Variants in CDRT4 observed in about 807,000 individuals in gnomAD.
The protein encoded by CDRT4 is CMT1A duplicated region transcript 4 protein.
For missense variants in CDRT4, 167 were observed against 193.1 expected (o/e 0.87, Z 0.80); for synonymous variants, 64 against 69.6 (o/e 0.92, Z 0.40).
chr17:15,437,520 C>A lies in CDRT4; in HGVS notation c.*253G>T, dbSNP rs1458535934. On this transcript the variant is annotated 3_prime_UTR_variant, in exon 4 of 4. Coordinates refer to ENST00000619038, the MANE Select transcript of CDRT4 (RefSeq NM_001204477.2). ...TCACCCACATTTTGGTCCTGAGAAT[C>A]TGCAGCAGAGACTAGAGCCAGGGAC... 5.6e-6 allele frequency: 3 copies of A among 537,144 alleles called. No individual in the cohort carries two copies. The highest frequency in any genetic ancestry group is 9.9e-6 in the Non-Finnish European group (3 of 303,444). The allele number at this position is 537,144 out of a possible 1,614,324, so 33.3% of individuals were successfully genotyped here. A position where few individuals can be genotyped will look rare whatever the true frequency, so the allele number is the denominator to read the frequency against.
In CDRT4 at chr17:15,436,986, G is replaced by C. The variant is rs1978520946; in HGVS notation, c.*787C>G. ...CTTGCTCACTTCCTGTTTGCTTCCT[G>C]TTCACTTTCTATCAGCTTCCTGTCC... On this transcript the variant is annotated 3_prime_UTR_variant, in exon 4 of 4. Transcript: ENST00000619038. 6.7e-6 allele frequency: 1 copy of C among 149,220 alleles called. No homozygotes were observed. Among genetic ancestry groups the C allele is most frequent in the Non-Finnish European group, 1.5e-5 (1 of 67,920 alleles). 9.2% of individuals were successfully genotyped at this position (149,220 alleles called of 1,614,324 possible). A position where few individuals can be genotyped will look rare whatever the true frequency, so the allele number is the denominator to read the frequency against.
chr17:15,462,364 C>G (rs2150799987), intron 1 of CDRT4, among the ~76,000 whole-genome samples: 1 of 137,606 alleles, frequency 7.3e-6, no homozygotes, highest in East Asian at 2.3e-4. Flanking sequence ...GGAGGCAGAG[C>G]TTGCAGTGAG....
intron 2 of CDRT4, 135 bp from the exon 3 acceptor site, chr17:15,440,420 G>A: frequency 9.7e-7 from 1 of 1,031,088 alleles, no homozygotes; most frequent in Non-Finnish European, 1.4e-6. Flanking sequence ...CTGAGAAGAG[G>A]ACATGTTTTT....
chr17:15,461,506 C>T (rs1369149431), intron 1 of CDRT4, among the ~76,000 whole-genome samples: 1 of 152,210 alleles, frequency 6.6e-6, no homozygotes, highest in Non-Finnish European at 1.5e-5. Context: ...CAGTGGTCTG[C>T]TTCCTTAGTA....
intron 2 of CDRT4, among the ~76,000 whole-genome samples, chr17:15,447,982 T>C (rs1437820640): frequency 2.0e-5 from 3 of 152,238 alleles, no homozygotes; most frequent in Non-Finnish European, 2.9e-5. Flanking sequence ...ACCCTCTCTC[T>C]GCCTGACAGC....
rs1978487072 is a variant in CDRT4 at position 15,436,385 on chromosome 17, C to A, written c.*1388G>T. 6.6e-6 allele frequency: 1 copy of A among 152,216 alleles called. No homozygotes were observed. Among genetic ancestry groups the A allele is most frequent in the South Asian group, 2.1e-4 (1 of 4,832 alleles). The allele number at this position is 152,216 out of a possible 1,614,324, so 9.4% of individuals were successfully genotyped here. A position where few individuals can be genotyped will look rare whatever the true frequency, so the allele number is the denominator to read the frequency against. On this transcript the variant is annotated 3_prime_UTR_variant, in exon 4 of 4. Coordinates refer to ENST00000619038, the MANE Select transcript of CDRT4 (RefSeq NM_001204477.2). Reference sequence around the variant, plus strand: ...TGATGGATTAGTATTAACTGTCTTGCAAATACACATACAGAAACTCAGGTA... The same window carrying A: ...TGATGGATTAGTATTAACTGTCTTGAAAATACACATACAGAAACTCAGGTA...
rs2150801864 is a variant in CDRT4 at position 15,464,999 on chromosome 17, TAC to T, written c.-130+2459_-130+2460del. On this transcript the variant is annotated intron_variant, in intron 1 of 3. Coordinates refer to ENST00000619038, the MANE Select transcript of CDRT4 (RefSeq NM_001204477.2). The surrounding 1 kb of genome is among the most constrained non-coding windows in gnomAD (Gnocchi z 4.5). ...CACACCAACACACAGACACACGCAA[TAC>T]AGACACACACAACACAGACACACAC... is the stretch of plus-strand genomic sequence containing the variant. 9.8e-6 allele frequency among the ~76,000 whole-genome samples: 1 copy of T among 101,810 alleles called. No homozygotes were observed. Among genetic ancestry groups the T allele is most frequent in the South Asian group, 3.4e-4 (1 of 2,962 alleles). 66.8% of individuals were successfully genotyped at this position (101,810 alleles called of 152,430 possible).
At chr17:15,442,624 G>C (rs761710528) in intron 2 of CDRT4, among the ~76,000 whole-genome samples, 3 of 152,160 alleles carry the variant, frequency 2.0e-5, no homozygotes, top group Non-Finnish European at 4.4e-5. Flanking sequence ...GTGTGCATCT[G>C]TGTGACCCAC....
chr17:15,452,559 A>C (rs1674011767), intron 2 of CDRT4: 2 of 152,256 alleles, frequency 1.3e-5, no homozygotes, highest in Non-Finnish European at 2.9e-5. Flanking sequence ...ATCACCGCCA[A>C]ATATGGCTCC....
Position 15,457,722 on chromosome 17 carries a change from A to G in CDRT4, c.-129-4637T>C, listed in dbSNP as rs374831184. Reference sequence around the variant, plus strand: ...GGGTCTGAGCTCAGCAGCTTCTCAAAAAAGCCCCCCTGAGCTGCTTTGCTT... The same window carrying G: ...GGGTCTGAGCTCAGCAGCTTCTCAAGAAAGCCCCCCTGAGCTGCTTTGCTT... On this transcript the variant is annotated intron_variant, in intron 1 of 3. Transcript: ENST00000619038. 1.6e-4 allele frequency among the ~76,000 whole-genome samples: 25 copies of G among 152,306 alleles called. 1 individual carries two copies. In the East Asian group the frequency reaches 3.7e-3, roughly 22 times the overall value.
At chr17:15,466,410 T>TAG (rs1980045129) in intron 1 of CDRT4, among the ~76,000 whole-genome samples, 1 of 151,802 alleles carries the variant, frequency 6.6e-6, no homozygotes, top group South Asian at 2.1e-4. Context: ...ACGAGTCTCT[T>TAG]CTGTTCTCTT....
chr17:15,458,656 T>C (rs1045656341), intron 1 of CDRT4, among the ~76,000 whole-genome samples: 1 of 152,132 alleles, frequency 6.6e-6, no homozygotes, highest in African/African-American at 2.4e-5. Context: ...TGTTCACCCA[T>C]TCCTGAACCC....
chr17:15,454,095 T>C (rs536496792), intron 1 of CDRT4, among the ~76,000 whole-genome samples: 32 of 152,270 alleles, frequency 2.1e-4, no homozygotes, highest in Admixed American at 4.6e-4. Context: ...AGTCACTACG[T>C]TGAAGATCAG....
chr17:15,439,398 G>A lies in CDRT4; in HGVS notation c.31+810C>T, dbSNP rs7216189. ...GGGGACAGATCTGTCAGTAAAGAATGTGCTGTAGAAGGATTCCATCTCCCT... is the reference window on the plus strand; with the variant it reads ...GGGGACAGATCTGTCAGTAAAGAATATGCTGTAGAAGGATTCCATCTCCCT... On this transcript the variant is annotated intron_variant, in intron 3 of 3. Transcript: ENST00000619038. Among the ~76,000 whole-genome samples the A allele has an allele frequency of 7.0e-3, 1,061 of 152,312 alleles. 11 individuals are homozygous for A. The highest frequency in any genetic ancestry group is 0.024 in the African/African-American group (1,005 of 41,574).
intron 2 of CDRT4, among the ~76,000 whole-genome samples, chr17:15,448,095 G>C (rs1979105740): frequency 6.6e-6 from 1 of 152,158 alleles, no homozygotes; most frequent in South Asian, 2.1e-4. Flanking sequence ...TGTGAACCTG[G>C]AGAACACTTC....
chr17:15,465,746 G>A (rs1308038656), intron 1 of CDRT4, among the ~76,000 whole-genome samples: 5 of 152,190 alleles, frequency 3.3e-5, no homozygotes, highest in African/African-American at 1.2e-4. Flanking sequence ...GCACAGACAC[G>A]CATGCTAACG....
chr17:15,462,694 G>A (rs1979811988), intron 1 of CDRT4, among the ~76,000 whole-genome samples: 2 of 152,154 alleles, frequency 1.3e-5, no homozygotes, highest in Admixed American at 1.3e-4. Context: ...GAGTAAACAT[G>A]AGTCGATTTA....
chr17:15,465,382 A>C (rs376224968), intron 1 of CDRT4, among the ~76,000 whole-genome samples: 5 of 147,230 alleles, frequency 3.4e-5, no homozygotes, highest in African/African-American at 1.3e-4. Flanking sequence ...AGACACACAT[A>C]ACACACACAC....
chr17:15,446,602 G>A (rs1313830526), intron 2 of CDRT4, among the ~76,000 whole-genome samples: 2 of 152,090 alleles, frequency 1.3e-5, no homozygotes, highest in African/African-American at 2.4e-5. Context: ...GTCCATTACC[G>A]CACTATCTTT....
Sources: gnomAD v4.1 joint callset for allele counts (sites outside exome capture counted in the v4.1 genomes callset) on GRCh38, gnomAD v4.1.1 for gene constraint, Gnocchi (gnomAD v3.1) non-coding constraint, MANE v1.5 for transcripts, NCBI Gene and HGNC (gene_info 2026-07-23, HGNC 2026-07-21) for gene names.